Variants in TSGA10 observed in about 807,000 individuals in gnomAD.
TSGA10 encodes the protein testis specific 10.
TSGA10 carries 43 observed loss-of-function variants against 96.6 expected under a neutral mutation model. The ratio of observed to expected loss-of-function variants is 0.44; its 90% CI spans 0.35 to 0.57. The LOEUF is 0.57. Among genes scored for constraint, TSGA10 ranks in the 20% least tolerant of loss-of-function variants. The pLI, the probability that TSGA10 is intolerant of heterozygous loss-of-function variation, is 0.01. For synonymous variants in TSGA10, 229 were observed against 269.9 expected (o/e 0.85, Z 1.48); for missense variants, 703 against 834.4 (o/e 0.84, Z 1.94).
chr2:99,052,325 T>C (rs1191416911), intron 16 of TSGA10, among the ~76,000 whole-genome samples: 1 of 152,060 alleles, frequency 6.6e-6, no homozygotes, highest in Non-Finnish European at 1.5e-5. Context: ...AAGTGACTAC[T>C]GTGAACAATT....
chr2:99,000,401 C>T (rs369769128), intron 20 of TSGA10, among the ~76,000 whole-genome samples: 10 of 151,126 alleles, frequency 6.6e-5, no homozygotes, highest in African/African-American at 2.4e-4. Flanking sequence ...CTCACCTACT[C>T]AGGGAGGCTG....
Position 99,117,772 on chromosome 2 carries a change from G to T in TSGA10, c.-355-13C>A. 1.0e-6 allele frequency: 1 copy of T among 978,958 alleles called. No individual in the cohort carries two copies. Among genetic ancestry groups the T allele is most frequent in the Non-Finnish European group, 1.2e-6 (1 of 824,012 alleles). 60.6% of individuals were successfully genotyped at this position (978,958 alleles called of 1,614,324 possible). ...TGAGATCTTCAATCTGTTATTATCA[G>T]AAAAAAAATCACATTAAAATAATTC... On this transcript the variant is annotated splice_polypyrimidine_tract_variant and intron_variant, in intron 3 of 20. Transcript: ENST00000393483.
chr2:99,109,329 G>T lies in TSGA10; in HGVS notation c.51+60C>A. The T allele has an allele frequency of 6.6e-6, 10 of 1,523,394 alleles. No individual in the cohort carries two copies. The South Asian group carries it at 1.0e-4, about 15-fold the overall frequency. 94.4% of individuals were successfully genotyped at this position (1,523,394 alleles called of 1,614,324 possible). The stretch of plus-strand genomic sequence containing the variant: ...TTATTTTCAAATTAGGTAAAACAAA[G>T]AATAAAAGCCAGTGTCTGGGCAACA... On this transcript the variant is annotated intron_variant, in intron 6 of 20. Coordinates refer to ENST00000393483, the MANE Select transcript of TSGA10 (RefSeq NM_025244.4).
chr2:99,015,977 A>G (rs1331366396), intron 20 of TSGA10, among the ~76,000 whole-genome samples: 1 of 152,198 alleles, frequency 6.6e-6, no homozygotes, highest in Non-Finnish European at 1.5e-5. Flanking sequence ...CTACAAGGAA[A>G]ACTACAAAAC....
intron 10 of TSGA10, among the ~76,000 whole-genome samples, 190 bp downstream of exon 10, chr2:99,103,777 G>A (rs967944595): frequency 6.6e-6 from 1 of 152,186 alleles, no homozygotes; most frequent in Non-Finnish European, 1.5e-5. Flanking sequence ...TCCTAGTTAA[G>A]TGTGGCATTA....
chr2:99,150,724 A>G, intron 1 of TSGA10: 1 of 1,614,084 alleles, frequency 6.2e-7, no homozygotes, highest in Non-Finnish European at 8.5e-7. Context: ...AAATCAAGAA[A>G]ACTTTACAAG....
intron 10 of TSGA10, among the ~76,000 whole-genome samples, chr2:99,100,748 A>G (rs1389019648): frequency 2.1e-5 from 3 of 144,896 alleles, no homozygotes; most frequent in Non-Finnish European, 3.0e-5. Context: ...TGAACCCCGG[A>G]GGCAGAGCTT....
At chr2:99,098,254 G>C (rs538805492) in intron 10 of TSGA10, among the ~76,000 whole-genome samples, 12 of 151,812 alleles carry the variant, frequency 7.9e-5, no homozygotes, top group African/African-American at 2.4e-4. Flanking sequence ...TGGCTAACAC[G>C]ATGAAACCCT....
intron 10 of TSGA10, among the ~76,000 whole-genome samples, chr2:99,086,278 C>T (rs2088368612): frequency 6.6e-6 from 1 of 152,070 alleles, no homozygotes; most frequent in African/African-American, 2.4e-5. Flanking sequence ...ACACGAAAAA[C>T]CTAACCATAA....
intron 15 of TSGA10, among the ~76,000 whole-genome samples, chr2:99,067,349 A>T (rs1189390680): frequency 6.6e-6 from 1 of 152,254 alleles, no homozygotes; most frequent in African/African-American, 2.4e-5. Flanking sequence ...TCATAAACAA[A>T]TTCATACTAG....
At chr2:99,121,876 TCTC>T (rs1373722100) in intron 2 of TSGA10, among the ~76,000 whole-genome samples, 2 of 152,334 alleles carry the variant, frequency 1.3e-5, no homozygotes, top group African/African-American at 4.8e-5. Context: ...CTGCAAATTT[TCTC>T]CTATGTTACC....
intron 20 of TSGA10, among the ~76,000 whole-genome samples, chr2:99,003,588 A>G (rs1018129342): frequency 3.3e-5 from 5 of 152,228 alleles, no homozygotes; most frequent in African/African-American, 9.6e-5. Context: ...AACATAAATT[A>G]TAACAAACTG....
At chr2:99,001,702 C>T (rs1013694599) in intron 20 of TSGA10, among the ~76,000 whole-genome samples, 5 of 152,100 alleles carry the variant, frequency 3.3e-5, no homozygotes, top group Admixed American at 6.6e-5. Flanking sequence ...TAAAGGAGGA[C>T]GTTTGAACCC....
Position 98,997,842 on chromosome 2 carries a change from T to C in TSGA10, c.*355A>G, listed in dbSNP as rs1033300294. The C allele has an allele frequency of 3.3e-5, 6 of 180,400 alleles. No homozygotes were observed. Among genetic ancestry groups the C allele is most frequent in the Non-Finnish European group, 6.9e-5 (6 of 87,246 alleles). The allele number at this position is 180,400 out of a possible 1,614,324, so 11.2% of individuals were successfully genotyped here. A position where few individuals can be genotyped will look rare whatever the true frequency, so the allele number is the denominator to read the frequency against. Reference sequence around the variant, plus strand: ...GAAAAAAAATTAACCAACCAATTATTTGAGATACCAAGAAAGGAAAGGAAA... The same window carrying C: ...GAAAAAAAATTAACCAACCAATTATCTGAGATACCAAGAAAGGAAAGGAAA... On this transcript the variant is annotated 3_prime_UTR_variant, in exon 21 of 21. Transcript: ENST00000393483.
intron 4 of TSGA10, among the ~76,000 whole-genome samples, chr2:99,113,433 A>C (rs951448667): frequency 1.3e-5 from 2 of 152,160 alleles, no homozygotes; most frequent in African/African-American, 4.8e-5. Flanking sequence ...CCCTAGAGAG[A>C]GGTCCACCTA....
At chr2:99,016,884 C>T (rs2079557892) in intron 20 of TSGA10, among the ~76,000 whole-genome samples, 1 of 152,122 alleles carries the variant, frequency 6.6e-6, no homozygotes, top group Non-Finnish European at 1.5e-5. Flanking sequence ...AAATGCCCAA[C>T]AAACATATGA....
chr2:99,036,896 G>T (rs1380255814), intron 16 of TSGA10, among the ~76,000 whole-genome samples: 1 of 152,102 alleles, frequency 6.6e-6, no homozygotes, highest in Admixed American at 6.5e-5. Flanking sequence ...CATAATGATT[G>T]TAAAAAGTTA....
At chr2:99,083,493 A>C (rs1574161344) in intron 10 of TSGA10, among the ~76,000 whole-genome samples, 1 of 152,278 alleles carries the variant, frequency 6.6e-6, no homozygotes, top group South Asian at 2.1e-4. Context: ...AATAACATGG[A>C]GAATTGAGCC....
At position 99,018,604 on chromosome 2, in the gene TSGA10, A is replaced by G. The variant is rs778176906; in HGVS notation, c.1854T>C (p.Asn618=). ...IQSRDVAQFR[N]VVTQLEADLD... is the part of the protein sequence containing the mutation. ...AATCAGCTTCCAATTGTGTGACAAC[A>G]TTTCTGAACTGGGCCACATCTCTAC... is the stretch of plus-strand genomic sequence containing the variant. The change falls in exon 19 of 21, where the codon AAT becomes AAC. Residue 618 remains asparagine (N), a synonymous_variant. Transcript: ENST00000393483. The G allele has an allele frequency of 9.9e-6, 16 of 1,613,934 alleles. No homozygotes were observed. The Middle Eastern group carries it at 4.9e-4, about 50-fold the overall frequency.
Sources: allele counts gnomAD v4.1 joint callset (sites outside exome capture counted in the v4.1 genomes callset), GRCh38; gene constraint gnomAD v4.1.1; transcripts MANE v1.5; gene names NCBI Gene and HGNC (gene_info 2026-07-23, HGNC 2026-07-21).